MYO16: variants seen among roughly 807,000 people sequenced by gnomAD.
MYO16 encodes myosin XVI.
Under a neutral mutation model 205.3 loss-of-function variants are expected in MYO16, and 94 were observed. That is an observed-to-expected ratio of 0.46 (90% CI 0.39 to 0.54). MYO16 has a LOEUF of 0.54. MYO16 is among the 20% of genes least tolerant of loss of function. The pLI is 0.00. For missense variants in MYO16, 2,315 were observed against 2,387.5 expected, an observed-to-expected ratio of 0.97 and a Z score of 0.63; for synonymous variants, 988 against 954.0, an observed-to-expected ratio of 1.04 and a Z score of -0.66.
intron 31 of MYO16, among the ~76,000 whole-genome samples, chr13:109,128,735 C>T (rs1876384617): frequency 6.7e-6 from 1 of 148,896 alleles, no homozygotes; most frequent in Non-Finnish European, 1.5e-5. Flanking sequence ...GCTATCATTT[C>T]TGTGCTGAGA....
chr13:108,883,009 C>T, intron 12 of MYO16, 50 bp from the exon 13 acceptor site: 1 of 1,602,392 alleles, frequency 6.2e-7, no homozygotes, highest in Non-Finnish European at 8.5e-7. Flanking sequence ...ATGAGGAATA[C>T]TGGCGCCTTT....
chr13:108,909,872 A>T (rs777461771), intron 15 of MYO16, 131 bp from the exon 16 acceptor site: 8 of 982,698 alleles, frequency 8.1e-6, no homozygotes, highest in Non-Finnish European at 1.2e-5. Flanking sequence ...ACAATAAAAT[A>T]AAATGTAAAT....
At chr13:108,501,400 A>G in the MYO16 span, among the ~76,000 whole-genome samples, 1 of 152,022 alleles carries the variant, frequency 6.6e-6, no homozygotes, top group African/African-American at 2.4e-5. Flanking sequence ...GTCCCACCTT[A>G]TTCATCCTCT....
intron 12 of MYO16, among the ~76,000 whole-genome samples, chr13:108,880,724 C>G (rs549611882): frequency 2.0e-5 from 3 of 152,224 alleles, no homozygotes; most frequent in East Asian, 1.9e-4. Flanking sequence ...TGGTCTATAT[C>G]TCTGTTTTGG....
chr13:108,954,489 C>T lies in MYO16; in HGVS notation c.1926-3199C>T, dbSNP rs182013375. 3.0e-3 allele frequency among the ~76,000 whole-genome samples: 464 copies of T among 152,252 alleles called. 8 individuals are homozygous for T. Among genetic ancestry groups the T allele is most frequent in the South Asian group, 0.017 (83 of 4,824 alleles). The stretch of plus-strand genomic sequence containing the variant: ...CGTGTGGTGGCTCACACCTGTAATT[C>T]CAGCACTTTGGGAGGCCAAGGCATG... On this transcript the variant is annotated intron_variant, in intron 16 of 34. Transcript: ENST00000457511.
At chr13:108,807,025 A>G (rs1019764405) in intron 7 of MYO16, among the ~76,000 whole-genome samples, 4 of 152,334 alleles carry the variant, frequency 2.6e-5, no homozygotes, top group Admixed American at 6.5e-5. Context: ...AAGTCATTGA[A>G]GAAATAATCA....
intron 1 of MYO16, among the ~76,000 whole-genome samples, chr13:108,655,822 T>C (rs1183634051): frequency 1.3e-5 from 2 of 152,154 alleles, no homozygotes; most frequent in Admixed American, 6.5e-5. Context: ...CCCCACTGTA[T>C]TTTAGACTTG....
At chr13:109,179,216 T>A (rs1879350176) in intron 33 of MYO16, among the ~76,000 whole-genome samples, 1 of 152,198 alleles carries the variant, frequency 6.6e-6, no homozygotes, top group Non-Finnish European at 1.5e-5. Flanking sequence ...ACTGACCCCG[T>A]ATGCTTCTTC....
chr13:108,641,478 G>A (rs548053718), intron 1 of MYO16, among the ~76,000 whole-genome samples: 6 of 152,152 alleles, frequency 3.9e-5, no homozygotes, highest in African/African-American at 1.4e-4. Flanking sequence ...GAAGAGAGTC[G>A]TTGAAGTGGG....
At chr13:108,552,863 A>T in the MYO16 span, among the ~76,000 whole-genome samples, 2 of 152,090 alleles carry the variant, frequency 1.3e-5, no homozygotes, top group East Asian at 3.9e-4. Flanking sequence ...GTACCATCAC[A>T]TGGTAGAATA....
the MYO16 span, among the ~76,000 whole-genome samples, chr13:108,548,759 T>C: frequency 6.6e-6 from 1 of 152,142 alleles, no homozygotes; most frequent in African/African-American, 2.4e-5. Context: ...CTTCAGCTGC[T>C]CACTTCAGTA....
intron 16 of MYO16, among the ~76,000 whole-genome samples, chr13:108,954,968 A>G (rs1205608938): frequency 1.3e-5 from 2 of 152,180 alleles, no homozygotes; most frequent in Non-Finnish European, 2.9e-5. Flanking sequence ...TGGGCACGGC[A>G]TCCTGCGGCA....
chr13:109,146,185 A>G (rs1877320082), intron 32 of MYO16, among the ~76,000 whole-genome samples: 1 of 152,264 alleles, frequency 6.6e-6, no homozygotes, highest in Non-Finnish European at 1.5e-5. Context: ...TAAGGATCAC[A>G]TAAGCTAAAT....
chr13:108,947,558 C>A (rs1882985392), intron 16 of MYO16, among the ~76,000 whole-genome samples: 1 of 152,282 alleles, frequency 6.6e-6, no homozygotes, highest in South Asian at 2.1e-4. Flanking sequence ...ATCAGCAGTT[C>A]TGGGTGTGTG....
chr13:109,128,066 TAGC>T (rs1876352461), intron 31 of MYO16, among the ~76,000 whole-genome samples: 1 of 152,216 alleles, frequency 6.6e-6, no homozygotes, highest in African/African-American at 2.4e-5. Flanking sequence ...AAAGGGAACA[TAGC>T]AGTTTCTTCT....
chr13:109,058,872 A>T (rs775357526), intron 27 of MYO16, among the ~76,000 whole-genome samples: 1 of 152,196 alleles, frequency 6.6e-6, no homozygotes, highest in Non-Finnish European at 1.5e-5. Context: ...CCACTGCTTT[A>T]TCAACTGAGT....
intron 5 of MYO16, among the ~76,000 whole-genome samples, chr13:108,793,023 C>T (rs550057806): frequency 7.2e-5 from 11 of 152,130 alleles, no homozygotes; most frequent in African/African-American, 2.4e-4. Context: ...TACTTTAGAA[C>T]ATAACATCCC....
the MYO16 span, among the ~76,000 whole-genome samples, chr13:108,528,211 C>G: frequency 6.6e-6 from 1 of 152,090 alleles, no homozygotes; most frequent in South Asian, 2.1e-4. Context: ...TTACCATATC[C>G]GACAGCCTTT....
chr13:108,716,772 G>A (rs1883960586), intron 3 of MYO16, among the ~76,000 whole-genome samples: 1 of 152,148 alleles, frequency 6.6e-6, no homozygotes, highest in Non-Finnish European at 1.5e-5. Context: ...AGAATCAGCT[G>A]CAGAAATTAC....
Sources: gnomAD v4.1 joint callset for allele counts (sites outside exome capture counted in the v4.1 genomes callset) on GRCh38, gnomAD v4.1.1 for gene constraint, MANE v1.5 for transcripts, NCBI Gene and HGNC (gene_info 2026-07-23, HGNC 2026-07-21) for gene names.